The following MGAM2 variants were observed in gnomAD, a reference collection of about 807,000 sequenced individuals.
The protein encoded by MGAM2 is maltase-glucoamylase 2 (putative).
Under a neutral mutation model 96.1 loss-of-function variants are expected in MGAM2, and 98 were observed. The ratio of observed to expected loss-of-function variants is 1.02; its 90% CI spans 0.87 to 1.21. The LOEUF (loss-of-function observed/expected upper bound fraction) is 1.21. MGAM2 is among the 50% of genes most tolerant of loss of function. The pLI is 0.00. For missense variants in MGAM2, 2,055 were observed against 1,182.4 expected (o/e 1.74, Z -10.82); for synonymous variants, 749 against 414.8 (o/e 1.81, Z -9.79).
chr7:142,139,827 T>C lies in MGAM2; in HGVS notation c.1087-975T>C, dbSNP rs555547188. 3.3e-5 allele frequency among the ~76,000 whole-genome samples: 5 copies of C among 151,284 alleles called. No homozygotes were observed. In the East Asian group the frequency reaches 9.7e-4, roughly 29 times the overall value. On this transcript the variant is annotated intron_variant, in intron 10 of 47. Coordinates refer to ENST00000477922, the MANE Select transcript of MGAM2 (RefSeq NM_001293626.2). ...TGTAAAAAAAAAAACAGATGGTCAA[T>C]GTGTTTTGGTGTCAAAGGGGAATTG...
In MGAM2 at chr7:142,152,818, A is replaced by G. The variant is rs549497090; in HGVS notation, c.1635-1200A>G. Among the ~76,000 whole-genome samples the G allele has an allele frequency of 2.0e-4, 31 of 151,578 alleles. No individual in the cohort carries two copies. The East Asian group carries it at 3.5e-3, about 17-fold the overall frequency. ...ATGTGGGCTTTTTACCACAGGGGGG[A>G]AAAAAGAAAAGAGGAGAGTCATTTC... On this transcript the variant is annotated intron_variant, in intron 15 of 47. Transcript: ENST00000477922.
intron 17 of MGAM2, among the ~76,000 whole-genome samples, chr7:142,155,874 G>A (rs1031407293): frequency 4.6e-5 from 7 of 152,114 alleles, no homozygotes; most frequent in Admixed American, 1.3e-4. Context: ...GGCTGGGCAC[G>A]GTGGCTCACA....
At chr7:142,147,760 T>C (rs1459701545) in intron 15 of MGAM2, among the ~76,000 whole-genome samples, 187 bp downstream of exon 15, 1 of 152,214 alleles carries the variant, frequency 6.6e-6, no homozygotes, top group Admixed American at 6.5e-5. Context: ...TACAGGATTA[T>C]CTTTGATTAG....
rs1405863932 is a variant in MGAM2, at chr7:142,183,258, T to C, written c.3817-8T>C. The C allele has an allele frequency of 1.3e-5, 9 of 693,106 alleles. No individual in the cohort carries two copies. The East Asian group carries it at 2.2e-4, about 17-fold the overall frequency. The allele number at this position is 693,106 out of a possible 1,614,324, so 42.9% of individuals were successfully genotyped here. A position where few individuals can be genotyped will look rare whatever the true frequency, so the allele number is the denominator to read the frequency against. On this transcript the variant is annotated splice_region_variant and splice_polypyrimidine_tract_variant and intron_variant, in intron 32 of 47. Transcript: ENST00000477922. ...TCACATTTGCTGTTTGAAATTCTTT[T>C]ACTGCAGGACCCAGCCATTTCTGGC...
In MGAM2 at chr7:142,197,834, C is replaced by A. The variant is rs566316736; in HGVS notation, c.4866+106C>A. 94 of 673,762 alleles carry A rather than the reference C, an allele frequency of 1.4e-4. 1 individual carries two copies. The highest frequency in any genetic ancestry group is 1.0e-3 in the East Asian group (37 of 36,952). The allele number at this position is 673,762 out of a possible 1,614,324, so 41.7% of individuals were successfully genotyped here. A position where few individuals can be genotyped will look rare whatever the true frequency, so the allele number is the denominator to read the frequency against. On this transcript the variant is annotated intron_variant, in intron 42 of 47. Transcript: ENST00000477922. ...TTTTGTCCAGCTCACTATTTTCAGG[C>A]GAATGCCTTTCTAGAACATCTACAG...
At chr7:142,205,145 G>A (rs143027084) in intron 45 of MGAM2, among the ~76,000 whole-genome samples, 290 of 152,192 alleles carry the variant, frequency 1.9e-3, no homozygotes, top group African/African-American at 6.7e-3. Flanking sequence ...TTGCCAATGG[G>A]ACTGCAGACT....
At chr7:142,145,150 CAA>C (rs1334250835) in intron 14 of MGAM2, among the ~76,000 whole-genome samples, 2 of 152,144 alleles carry the variant, frequency 1.3e-5, no homozygotes, top group Non-Finnish European at 1.5e-5. Context: ...AAGCATGTGA[CAA>C]AGTCTGAGCC....
intron 46 of MGAM2, among the ~76,000 whole-genome samples, chr7:142,215,416 C>G (rs1204332398): frequency 1.3e-5 from 2 of 151,378 alleles, no homozygotes; most frequent in Non-Finnish European, 2.9e-5. Context: ...ATGTAACAAA[C>G]CTGCATGTTC....
chr7:142,173,471 T>A, intron 31 of MGAM2, 117 bp downstream of exon 31: 2 of 595,400 alleles, frequency 3.4e-6, no homozygotes, highest in South Asian at 4.3e-5. Context: ...CAGGCTGAAT[T>A]TTTTTTCTTT....
At chr7:142,185,316 G>C (rs561552416) in intron 34 of MGAM2, among the ~76,000 whole-genome samples, 177 bp downstream of exon 34, 3 of 152,116 alleles carry the variant, frequency 2.0e-5, no homozygotes, top group Admixed American at 2.0e-4. Context: ...AACAAACAGC[G>C]AACATGGAAA....
chr7:142,139,929 A>G (rs1795171697), intron 10 of MGAM2, among the ~76,000 whole-genome samples: 4 of 152,192 alleles, frequency 2.6e-5, no homozygotes, highest in Admixed American at 2.6e-4. Context: ...TTCCGCAAAT[A>G]GAATCTTTCC....
At chr7:142,135,849 A>G (rs781372358) in intron 7 of MGAM2, among the ~76,000 whole-genome samples, 15 of 151,822 alleles carry the variant, frequency 9.9e-5, no homozygotes, top group Non-Finnish European at 1.9e-4. Context: ...TTTTTTAACC[A>G]CTTAAGTATT....
chr7:142,217,630 G>A (rs1003851235), intron 46 of MGAM2, among the ~76,000 whole-genome samples: 1 of 152,120 alleles, frequency 6.6e-6, no homozygotes, highest in African/African-American at 2.4e-5. Flanking sequence ...AAGGGGTGGG[G>A]GCCATAAAGA....
At chr7:142,134,837 A>C (rs2129078596) in intron 7 of MGAM2, among the ~76,000 whole-genome samples, 1 of 152,004 alleles carries the variant, frequency 6.6e-6, no homozygotes, top group African/African-American at 2.4e-5. Context: ...AAAATATATT[A>C]CTGAAAAAAT....
intron 26 of MGAM2, among the ~76,000 whole-genome samples, chr7:142,168,518 C>T (rs1025445156): frequency 3.3e-5 from 5 of 152,198 alleles, no homozygotes; most frequent in Non-Finnish European, 7.3e-5. Context: ...AATCCACCCA[C>T]CTTGGCCTCC....
chr7:142,218,328 A>G (rs547233500), intron 46 of MGAM2, 33 bp from the exon 47 acceptor site: 7 of 646,516 alleles, frequency 1.1e-5, no homozygotes, highest in Middle Eastern at 2.4e-4. Context: ...ACAATATGTT[A>G]TGTATTCTTT....
At chr7:142,120,455 A>G in intron 3 of MGAM2, 74 bp downstream of exon 3, 1 of 635,580 alleles carries the variant, frequency 1.6e-6, no homozygotes, top group Non-Finnish European at 2.9e-6. Context: ...AAGTGGGGAA[A>G]GGGTGGGGGT....
chr7:142,210,223 C>T (rs1395072202), intron 46 of MGAM2, among the ~76,000 whole-genome samples: 1 of 152,110 alleles, frequency 6.6e-6, no homozygotes, highest in Non-Finnish European at 1.5e-5. Flanking sequence ...CCCTCAGGTG[C>T]CTACACCACC....
chr7:142,215,495 TCATG>T, intron 46 of MGAM2, among the ~76,000 whole-genome samples: 1 of 150,458 alleles, frequency 6.6e-6, no homozygotes, highest in East Asian at 1.9e-4. Flanking sequence ...GCGTGGTGGC[TCATG>T]CCTGTAATGC....
Sources: allele counts gnomAD v4.1 joint callset (sites outside exome capture counted in the v4.1 genomes callset), GRCh38; gene constraint gnomAD v4.1.1; transcripts MANE v1.5; gene names NCBI Gene and HGNC (gene_info 2026-07-23, HGNC 2026-07-21).